DCAF6: variants seen among roughly 807,000 people sequenced by gnomAD.
DCAF6 encodes the protein DDB1 and CUL4 associated factor 6.
A neutral mutation model predicts 125.1 loss-of-function variants in DCAF6; 54 were observed. The ratio of observed to expected loss-of-function variants is 0.43; its 90% CI spans 0.35 to 0.54. DCAF6 has a LOEUF of 0.54. Among genes scored for constraint, DCAF6 ranks in the 20% least tolerant of loss-of-function variants. The pLI, the probability that DCAF6 is intolerant of heterozygous loss-of-function variation, is 0.01. For missense variants in DCAF6, 934 were observed against 1,161.7 expected (o/e 0.80, Z 2.85); for synonymous variants, 371 against 390.4 (o/e 0.95, Z 0.58).
the DCAF6 span, among the ~76,000 whole-genome samples, chr1:167,926,098 A>G: frequency 6.6e-6 from 1 of 152,200 alleles, no homozygotes; most frequent in Non-Finnish European, 1.5e-5. Context: ...TTGTGGGACT[A>G]CTCAGCCCAT....
chr1:168,014,300 C>T (rs562002504), intron 10 of DCAF6, among the ~76,000 whole-genome samples: 2 of 152,310 alleles, frequency 1.3e-5, no homozygotes, highest in South Asian at 4.1e-4. Context: ...CAGCATTTCA[C>T]ACAACTGCTT....
At chr1:168,028,309 G>T (rs190936821) in intron 12 of DCAF6, among the ~76,000 whole-genome samples, 1 of 152,034 alleles carries the variant, frequency 6.6e-6, no homozygotes, top group African/African-American at 2.4e-5. Context: ...ACAGCAAAAA[G>T]AATATGTAAT....
chr1:167,875,985 G>A, the DCAF6 span, among the ~76,000 whole-genome samples: 42,823 of 151,570 alleles, frequency 0.28, 6,271 homozygotes, highest in Middle Eastern at 0.38. Flanking sequence ...GGCCAGGCAC[G>A]GTGGCTCATG....
chr1:167,943,129 T>G (rs537261614), intron 1 of DCAF6, among the ~76,000 whole-genome samples: 1 of 152,290 alleles, frequency 6.6e-6, no homozygotes, highest in African/African-American at 2.4e-5. Context: ...CAGGATGGTC[T>G]CGATCTCCTG....
At chr1:168,056,200 C>T (rs1261334463) in intron 17 of DCAF6, 3 of 1,612,268 alleles carry the variant, frequency 1.9e-6, no homozygotes, top group Non-Finnish European at 2.5e-6. Flanking sequence ...GCTTCCTGTG[C>T]AAAATTGCTG....
At chr1:167,930,513 A>G in the DCAF6 span, among the ~76,000 whole-genome samples, 1 of 152,228 alleles carries the variant, frequency 6.6e-6, no homozygotes, top group Admixed American at 6.5e-5. Flanking sequence ...ACTTTCCCCA[A>G]TGAAATCTGA....
the DCAF6 span, among the ~76,000 whole-genome samples, chr1:167,896,315 G>A: frequency 2.0e-4 from 30 of 152,244 alleles, no homozygotes; most frequent in African/African-American, 5.3e-4. Context: ...AAAGCAGCAC[G>A]GAAAGAAGCT....
At chr1:167,901,569 T>C in the DCAF6 span, 1,198 of 1,317,708 alleles carry the variant, frequency 9.1e-4, 9 homozygotes, top group African/African-American at 0.015. Flanking sequence ...TGAGCCACCA[T>C]GTTCTACTAC....
At position 167,990,068 on chromosome 1, in the gene DCAF6, A is replaced by G. The variant is rs989312311; in HGVS notation, c.553-1136A>G. 4.6e-5 allele frequency among the ~76,000 whole-genome samples: 7 copies of G among 152,310 alleles called. No homozygotes were observed. In the East Asian group the frequency reaches 9.6e-4, roughly 21 times the overall value. Reference sequence around the variant, plus strand: ...TGTGTACTTTATTTTTGAGCTGGTTAAGGAGAAAGGTTTTATAAGTAAAAA... The same window carrying G: ...TGTGTACTTTATTTTTGAGCTGGTTGAGGAGAAAGGTTTTATAAGTAAAAA... On this transcript the variant is annotated intron_variant, in intron 5 of 21. Coordinates refer to ENST00000367840, the MANE Select transcript of DCAF6 (RefSeq NM_001198956.2).
At chr1:168,057,426 T>C (rs1286167883) in intron 17 of DCAF6, among the ~76,000 whole-genome samples, 1 of 151,940 alleles carries the variant, frequency 6.6e-6, no homozygotes, top group East Asian at 1.9e-4. Flanking sequence ...AAGTCAGGAG[T>C]CTAGGTTTTA....
chr1:168,011,391 C>CA (rs1223182388), intron 10 of DCAF6, among the ~76,000 whole-genome samples: 1 of 152,148 alleles, frequency 6.6e-6, no homozygotes, highest in East Asian at 1.9e-4. Context: ...GCTGGGATTA[C>CA]AGGCGTGAGC....
the DCAF6 span, chr1:167,901,780 C>T: frequency 3.5e-5 from 56 of 1,614,062 alleles, no homozygotes; most frequent in Non-Finnish European, 4.2e-5. Flanking sequence ...TTCGCTCCAC[C>T]CTCCACAGGG....
chr1:168,058,493 T>C (rs1691182627), intron 17 of DCAF6, among the ~76,000 whole-genome samples: 1 of 152,250 alleles, frequency 6.6e-6, no homozygotes, highest in African/African-American at 2.4e-5. Flanking sequence ...AATATGGTCT[T>C]GATGTTCATT....
the DCAF6 span, among the ~76,000 whole-genome samples, chr1:167,929,151 G>C: frequency 3.1e-4 from 47 of 152,112 alleles, no homozygotes; most frequent in African/African-American, 1.1e-3. Context: ...CAGAGGTGGG[G>C]AGTTTGAGAC....
At chr1:168,001,366 A>T (rs957256260) in intron 7 of DCAF6, among the ~76,000 whole-genome samples, 8 of 152,326 alleles carry the variant, frequency 5.3e-5, no homozygotes, top group African/African-American at 1.9e-4. Flanking sequence ...ATGTCAAATA[A>T]GCTCTGAAAG....
At chr1:167,882,593 A>G in the DCAF6 span, among the ~76,000 whole-genome samples, 10 of 152,184 alleles carry the variant, frequency 6.6e-5, no homozygotes, top group South Asian at 2.1e-3. Context: ...TTGACATGGC[A>G]AGTGGGCTTT....
At chr1:167,901,541 T>C in the DCAF6 span, 2 of 1,025,782 alleles carry the variant, frequency 1.9e-6, no homozygotes, top group African/African-American at 3.1e-5. Flanking sequence ...GATGCCAAAG[T>C]TCAGGGCATC....
intron 7 of DCAF6, chr1:167,998,707 T>G (rs1035342503): frequency 6.5e-6 from 1 of 153,222 alleles, no homozygotes; most frequent in African/African-American, 2.4e-5. Flanking sequence ...GAAACCACTT[T>G]CTTTGCTCAT....
chr1:167,945,760 A>G (rs1022282256), intron 1 of DCAF6, among the ~76,000 whole-genome samples: 2 of 150,368 alleles, frequency 1.3e-5, no homozygotes, highest in Admixed American at 1.3e-4. Context: ...TTGGCCTCCC[A>G]AAGTGCTGGG....
Sources: gnomAD v4.1 joint callset for allele counts (sites outside exome capture counted in the v4.1 genomes callset) on GRCh38, gnomAD v4.1.1 for gene constraint, MANE v1.5 for transcripts, NCBI Gene and HGNC (gene_info 2026-07-23, HGNC 2026-07-21) for gene names.